Variants in PLEKHM2 observed in about 807,000 individuals in gnomAD.
The protein encoded by PLEKHM2 is pleckstrin homology domain-containing family M member 2.
In PLEKHM2, 77 loss-of-function variants were observed where a neutral mutation model predicts 116.3. The ratio of observed to expected loss-of-function variants is 0.66; its 90% CI spans 0.55 to 0.80. PLEKHM2 has a LOEUF of 0.80. Ranked by LOEUF, PLEKHM2 falls within the 30% of genes least tolerant of loss-of-function variation. PLEKHM2 has a pLI of 0.00. For synonymous variants in PLEKHM2, 562 were observed against 571.0 expected, an observed-to-expected ratio of 0.98 and a Z score of 0.22; for missense variants, 1,183 against 1,354.9, an observed-to-expected ratio of 0.87 and a Z score of 1.99.
At chr1:15,704,772 C>A (rs568125472) in intron 1 of PLEKHM2, among the ~76,000 whole-genome samples, 247 of 152,314 alleles carry the variant, frequency 1.6e-3, no homozygotes, top group African/African-American at 4.1e-3. Context: ...GCTGCCATGA[C>A]CCTGGCGACT....
chr1:15,685,768 G>C (rs1026518435), intron 1 of PLEKHM2, among the ~76,000 whole-genome samples: 1 of 152,124 alleles, frequency 6.6e-6, no homozygotes, highest in African/African-American at 2.4e-5. Flanking sequence ...AAAGAAAATA[G>C]ATTCTCGAAT....
chr1:15,707,755 A>T (rs1641254163), intron 1 of PLEKHM2, among the ~76,000 whole-genome samples: 1 of 152,184 alleles, frequency 6.6e-6, no homozygotes, highest in African/African-American at 2.4e-5. Context: ...TGTGGGGCCA[A>T]AGGACAGAGA....
chr1:15,725,859 T>C (rs1008497941), intron 8 of PLEKHM2: 4 of 395,396 alleles, frequency 1.0e-5, no homozygotes, highest in African/African-American at 8.1e-5. Context: ...GATTCACAGA[T>C]GTCCCTCTTC....
chr1:15,706,311 C>G (rs1170901668), intron 1 of PLEKHM2, among the ~76,000 whole-genome samples: 1 of 152,170 alleles, frequency 6.6e-6, no homozygotes, highest in Non-Finnish European at 1.5e-5. Context: ...TCACTGTTGC[C>G]CCTGCTGTTC....
At chr1:15,700,516 G>A (rs181320429) in intron 1 of PLEKHM2, among the ~76,000 whole-genome samples, 2 of 152,268 alleles carry the variant, frequency 1.3e-5, no homozygotes, top group African/African-American at 4.8e-5. Context: ...GTGGCTAAGT[G>A]ATTATTTTTC....
intron 1 of PLEKHM2, among the ~76,000 whole-genome samples, chr1:15,686,810 G>A (rs530919124): frequency 1.3e-5 from 2 of 152,012 alleles, no homozygotes; most frequent in Non-Finnish European, 1.5e-5. Flanking sequence ...CACCACGCCC[G>A]GCTAATTTTT....
At position 15,730,951 on chromosome 1, in the gene PLEKHM2, AT is replaced by A. The variant is rs142154698; in HGVS notation, c.2399+230del. On this transcript the variant is annotated intron_variant, in intron 15 of 19. Coordinates refer to ENST00000375799, the MANE Select transcript of PLEKHM2 (RefSeq NM_015164.4). Reference sequence around the variant, plus strand: ...GAATCCCTGAGTGCCTCAGGGGAGGATGCAGGCTTGGTCCCCCGATGAACCT... The same window carrying A: ...GAATCCCTGAGTGCCTCAGGGGAGGAGCAGGCTTGGTCCCCCGATGAACCT... 9.4e-4 allele frequency among the ~76,000 whole-genome samples: 143 copies of A among 152,196 alleles called. 2 individuals are homozygous for A. The East Asian group carries it at 0.024, about 26-fold the overall frequency.
rs146375839 is a variant in PLEKHM2, at chr1:15,733,433, G to A, written c.2923-364G>A. On this transcript the variant is annotated intron_variant, in intron 19 of 19. Coordinates refer to ENST00000375799, the MANE Select transcript of PLEKHM2 (RefSeq NM_015164.4). ...GTGCTCATGAGAGCCCTGCACAAGC[G>A]GGTTTTGAGCACATGCTACGCTCTA... is the stretch of plus-strand genomic sequence containing the variant. 9.6e-4 allele frequency among the ~76,000 whole-genome samples: 146 copies of A among 152,372 alleles called. 2 individuals are homozygous for A. In the East Asian group the frequency reaches 0.024, roughly 25 times the overall value.
upstream of PLEKHM2, among the ~76,000 whole-genome samples, chr1:15,684,012 T>C (rs1368379814): frequency 6.7e-6 from 1 of 150,170 alleles, no homozygotes; most frequent in Non-Finnish European, 1.5e-5. Context: ...CCCTGGGGTC[T>C]GAGGGTGTCT....
Position 15,721,318 on chromosome 1 carries a change from C to T in PLEKHM2, c.653-11C>T, listed in dbSNP as rs1009473437. On this transcript the variant is annotated splice_polypyrimidine_tract_variant and intron_variant, in intron 6 of 19. Transcript: ENST00000375799. The surrounding 1 kb of genome is among the most constrained non-coding windows in gnomAD (Gnocchi z 5.1). ...GTTTCTAATCTTCAGTTTTGTCCCTCGTTTTTGTAGATTATGATTTTGGAG... is the reference window on the plus strand; with the variant it reads ...GTTTCTAATCTTCAGTTTTGTCCCTTGTTTTTGTAGATTATGATTTTGGAG... 1.4e-5 allele frequency: 21 copies of T among 1,547,794 alleles called. No individual in the cohort carries two copies. The highest frequency in any genetic ancestry group is 2.4e-5 in the South Asian group (2 of 84,040).
chr1:15,722,431 A>G (rs1185070938), intron 7 of PLEKHM2, among the ~76,000 whole-genome samples: 2 of 152,180 alleles, frequency 1.3e-5, no homozygotes, highest in East Asian at 3.9e-4. Context: ...GGCATGAACC[A>G]CTGCACCTGG....
At position 15,729,706 on chromosome 1, in the gene PLEKHM2, C is replaced by A; in HGVS notation, c.2076-91C>A. 1 of 1,198,988 alleles carries A rather than the reference C, an allele frequency of 8.3e-7. No individual in the cohort carries two copies. Among genetic ancestry groups the A allele is most frequent in the Non-Finnish European group, 1.2e-6 (1 of 854,130 alleles). 74.3% of individuals were successfully genotyped at this position (1,198,988 alleles called of 1,614,324 possible). ...AGGTCTCTCCCCCAAGTTTCTGTGACCCCTCCAGGCCAGCAGCGCTCAAGA... is the reference window on the plus strand; with the variant it reads ...AGGTCTCTCCCCCAAGTTTCTGTGAACCCTCCAGGCCAGCAGCGCTCAAGA... On this transcript the variant is annotated intron_variant, in intron 13 of 19. Coordinates refer to ENST00000375799, the MANE Select transcript of PLEKHM2 (RefSeq NM_015164.4). The surrounding 1 kb of genome is among the most constrained non-coding windows in gnomAD (Gnocchi z 4.7).
rs548387299 is a variant in PLEKHM2 at position 15,717,946 on chromosome 1, C to T, written c.331C>T (p.Arg111Trp). The T allele has an allele frequency of 1.1e-5, 17 of 1,600,424 alleles. No individual in the cohort carries two copies. Among genetic ancestry groups the T allele is most frequent in the African/African-American group, 4.0e-5 (3 of 74,810 alleles). Reference sequence around the variant, plus strand: ...CGAGAACTCCTTGGAGAGCTACCTGCGGTTGTTCCAGGAGAACCTGGGCCT... The same window carrying T: ...CGAGAACTCCTTGGAGAGCTACCTGTGGTTGTTCCAGGAGAACCTGGGCCT... The part of the protein sequence containing the change: ...LNENSLESYL[R>W]LFQENLGLLH... Residue 111 changes from arginine to tryptophan, a missense_variant, in exon 4 of 20, where the codon CGG becomes TGG. Physicochemically the swap from Arg to Trp is moderately radical, Grantham distance 101. Transcript: ENST00000375799.
intron 7 of PLEKHM2, among the ~76,000 whole-genome samples, chr1:15,724,975 C>T (rs1022291155): frequency 3.3e-5 from 5 of 152,130 alleles, no homozygotes; most frequent in Non-Finnish European, 5.9e-5. Flanking sequence ...TCCCAGCCAC[C>T]CATGGAGGCC....
intron 1 of PLEKHM2, among the ~76,000 whole-genome samples, chr1:15,701,493 T>TA (rs1253752880): frequency 6.6e-6 from 1 of 150,800 alleles, no homozygotes; most frequent in African/African-American, 2.4e-5. Context: ...GGCTAAGACT[T>TA]AAAATACCCC....
chr1:15,683,694 G>T (rs1247129428), upstream of PLEKHM2, among the ~76,000 whole-genome samples: 1 of 150,270 alleles, frequency 6.7e-6, no homozygotes, highest in Non-Finnish European at 1.5e-5. Flanking sequence ...GGGGCCCAGG[G>T]TCTGTGGGGG....
At chr1:15,683,712 C>T (rs1318220081), upstream of PLEKHM2, among the ~76,000 whole-genome samples, 1 of 146,294 alleles carries the variant, frequency 6.8e-6, no homozygotes, top group African/African-American at 2.6e-5. Flanking sequence ...GGGTCCCCAG[C>T]AGGTGGGGTT....
chr1:15,709,780 ATG>A (rs61449934), intron 1 of PLEKHM2, among the ~76,000 whole-genome samples: 4,613 of 152,160 alleles, frequency 0.03, 236 homozygotes, highest in African/African-American at 0.1. Flanking sequence ...CTTGAAATAA[ATG>A]TGCAGGACAT....
intron 1 of PLEKHM2, among the ~76,000 whole-genome samples, chr1:15,714,348 T>TA (rs764341573): frequency 0.36 from 39,495 of 110,140 alleles, 7,439 homozygotes; most frequent in African/African-American, 0.56. Context: ...ATTTTGAAAT[T>TA]AAAAAAAAAA....
Sources: allele counts gnomAD v4.1 joint callset (sites outside exome capture counted in the v4.1 genomes callset), GRCh38; gene constraint gnomAD v4.1.1; non-coding constraint Gnocchi (gnomAD v3.1); transcripts MANE v1.5; gene names NCBI Gene and HGNC (gene_info 2026-07-23, HGNC 2026-07-21).